The following DRAXIN variants were observed in gnomAD, a reference collection of about 807,000 sequenced individuals.
DRAXIN encodes dorsal repulsive axon guidance protein.
In DRAXIN, 27 loss-of-function variants were observed where a neutral mutation model predicts 33.9. The observed-to-expected ratio is 0.80, with a 90% CI of 0.59 to 1.10. DRAXIN has a LOEUF of 1.10. Among genes scored for constraint, DRAXIN ranks in the 50% least tolerant of loss-of-function variants. The pLI, the probability that DRAXIN is intolerant of heterozygous loss-of-function variation, is 0.00. For synonymous variants in DRAXIN, 178 were observed against 194.0 expected, an observed-to-expected ratio of 0.92 and a Z score of 0.69; for missense variants, 371 against 460.8, an observed-to-expected ratio of 0.81 and a Z score of 1.78.
intron 1 of DRAXIN, among the ~76,000 whole-genome samples, chr1:11,701,263 TC>T (rs975490387): frequency 2.4e-4 from 37 of 152,198 alleles, no homozygotes; most frequent in African/African-American, 8.7e-4. Flanking sequence ...AAGAACCATG[TC>T]CTGTGTGCAC....
At chr1:11,710,046 G>A (rs1448154275) in intron 3 of DRAXIN, among the ~76,000 whole-genome samples, 7 of 152,080 alleles carry the variant, frequency 4.6e-5, no homozygotes, top group African/African-American at 1.4e-4. Flanking sequence ...TTAGCTGAGT[G>A]TGGTGGCGCA....
At chr1:11,710,077 C>T (rs966310975) in intron 3 of DRAXIN, among the ~76,000 whole-genome samples, 6 of 151,486 alleles carry the variant, frequency 4.0e-5, no homozygotes, top group East Asian at 1.9e-4. Flanking sequence ...CCCAGCTACT[C>T]GGGAGGCTGA....
In DRAXIN at chr1:11,706,312, G is replaced by A. The variant is rs553874892; in HGVS notation, c.54G>A (p.Leu18=). Residue 18 remains leucine, a synonymous_variant, in exon 2 of 7, where the codon CTG becomes CTA. Transcript: ENST00000294485. This position sits in a 1 kb window ranked among gnomAD's most constrained non-coding sequence, Gnocchi z 5.5. The part of the protein sequence containing the change: ...TAPMLFLVLL[L]PLELSLAGAL... ...CCATGCTGTTCCTCGTCCTCCTGCT[G>A]CCCCTGGAGCTGAGCCTGGCAGGCG... 1.2e-6 allele frequency: 2 copies of A among 1,613,368 alleles called. No individual in the cohort carries two copies. Among genetic ancestry groups the A allele is most frequent in the Non-Finnish European group, 1.7e-6 (2 of 1,179,842 alleles).
At chr1:11,717,495 C>G (rs1363793480) in intron 6 of DRAXIN, among the ~76,000 whole-genome samples, 1 of 151,284 alleles carries the variant, frequency 6.6e-6, no homozygotes, top group Non-Finnish European at 1.5e-5. Flanking sequence ...AATCCCATCT[C>G]TACTAAAAAT....
intron 1 of DRAXIN, among the ~76,000 whole-genome samples, chr1:11,701,157 C>T (rs569898622): frequency 2.5e-4 from 38 of 152,190 alleles, no homozygotes; most frequent in Admixed American, 2.3e-3. Context: ...GCTGGTGGCT[C>T]CTGGGCCCTG....
Position 11,696,746 on chromosome 1 carries a change from G to T in DRAXIN, c.-11+4893G>T, listed in dbSNP as rs151139817. ...TGTGCACCTGTAGTCCCAGCTACTC[G>T]GGAGGCTGAGGCAGAAGAATTGCTT... is the stretch of plus-strand genomic sequence containing the variant. On this transcript the variant is annotated intron_variant, in intron 1 of 6. Coordinates refer to ENST00000294485, the MANE Select transcript of DRAXIN (RefSeq NM_198545.4). This position sits in a 1 kb window ranked among gnomAD's most constrained non-coding sequence, Gnocchi z 4.7. Among the ~76,000 whole-genome samples, 4 of 152,192 alleles carry T rather than the reference G, an allele frequency of 2.6e-5. No individual in the cohort carries two copies. The highest frequency in any genetic ancestry group is 5.9e-5 in the Non-Finnish European group (4 of 68,000).
At chr1:11,687,798 T>TA (rs1346852964), upstream of DRAXIN, among the ~76,000 whole-genome samples, 7 of 152,234 alleles carry the variant, frequency 4.6e-5, no homozygotes, top group African/African-American at 1.7e-4. This position sits in a 1 kb window ranked among gnomAD's most constrained non-coding sequence, Gnocchi z 4.1. Flanking sequence ...CACATATTGA[T>TA]ACTTCATTCC....
intron 2 of DRAXIN, among the ~76,000 whole-genome samples, chr1:11,707,346 C>T (rs903081800): frequency 1.3e-5 from 2 of 152,210 alleles, no homozygotes; most frequent in East Asian, 1.9e-4. Flanking sequence ...ATTTCTTACT[C>T]GACTCTGACG....
intron 6 of DRAXIN, among the ~76,000 whole-genome samples, chr1:11,718,980 A>G (rs1277567009): frequency 6.6e-6 from 1 of 152,090 alleles, no homozygotes; most frequent in Non-Finnish European, 1.5e-5. Context: ...GGCTCACTGC[A>G]AGCTCCACCT....
rs1641102572 is a variant in DRAXIN at position 11,692,897 on chromosome 1, T to G, written c.-11+1044T>G. On this transcript the variant is annotated intron_variant, in intron 1 of 6. Transcript: ENST00000294485. This position sits in a 1 kb window ranked among gnomAD's most constrained non-coding sequence, Gnocchi z 5.8. Reference sequence around the variant, plus strand: ...TAGTCCCTACCTATAGGGATGTGTGTGGAAATTGTGGGGTGCCGCTTGGTG... The same window carrying G: ...TAGTCCCTACCTATAGGGATGTGTGGGGAAATTGTGGGGTGCCGCTTGGTG... Among the ~76,000 whole-genome samples, 3 of 146,120 alleles carry G rather than the reference T, an allele frequency of 2.1e-5. No homozygotes were observed. The highest frequency in any genetic ancestry group is 7.7e-5 in the African/African-American group (3 of 39,054).
At chr1:11,715,272 C>T (rs539907007) in intron 6 of DRAXIN, 64 bp downstream of exon 6, 88 of 1,598,680 alleles carry the variant, frequency 5.5e-5, no homozygotes, top group Middle Eastern at 1.7e-4. Context: ...CTCCCTTTCT[C>T]GAAGCGGCTT....
rs1557695585 is a variant in DRAXIN, at chr1:11,722,025, G to A, written c.*2329G>A. ...TAATCCCAGCTACTCAGGAGGCTCA[G>A]GCGGGAGAATCACTTGAACCCAGGA... On this transcript the variant is annotated 3_prime_UTR_variant, in exon 7 of 7. Coordinates refer to ENST00000294485, the MANE Select transcript of DRAXIN (RefSeq NM_198545.4). 6.6e-6 allele frequency: 1 copy of A among 152,316 alleles called. No homozygotes were observed. The highest frequency in any genetic ancestry group is 1.5e-5 in the Non-Finnish European group (1 of 68,108). The allele number at this position is 152,316 out of a possible 1,614,324, so 9.4% of individuals were successfully genotyped here.
Position 11,694,469 on chromosome 1 carries a change from A to G in DRAXIN, c.-11+2616A>G, listed in dbSNP as rs1641159587. Among the ~76,000 whole-genome samples, 1 of 152,094 alleles carries G rather than the reference A, an allele frequency of 6.6e-6. No individual in the cohort carries two copies. The highest frequency in any genetic ancestry group is 1.9e-4 in the East Asian group (1 of 5,182). On this transcript the variant is annotated intron_variant, in intron 1 of 6. Coordinates refer to ENST00000294485, the MANE Select transcript of DRAXIN (RefSeq NM_198545.4). This position sits in a 1 kb window ranked among gnomAD's most constrained non-coding sequence, Gnocchi z 4.9. Reference sequence around the variant, plus strand: ...GTGCCTGTTATAGGGGTAGAAACTGAGACCAGAGAACGAAGTGGCTCACCC... The same window carrying G: ...GTGCCTGTTATAGGGGTAGAAACTGGGACCAGAGAACGAAGTGGCTCACCC...
intron 1 of DRAXIN, among the ~76,000 whole-genome samples, chr1:11,700,675 G>A (rs909060419): frequency 2.0e-5 from 3 of 152,184 alleles, no homozygotes; most frequent in African/African-American, 7.2e-5. Context: ...GAGTAGATTC[G>A]GGGTAAGGGA....
In DRAXIN at chr1:11,713,561, G is replaced by A. The variant is rs193171256; in HGVS notation, c.847+1132G>A. Among the ~76,000 whole-genome samples the A allele has an allele frequency of 2.0e-3, 302 of 152,294 alleles. 1 individual carries two copies. The highest frequency in any genetic ancestry group is 2.8e-3 in the Non-Finnish European group (192 of 68,028). On this transcript the variant is annotated intron_variant, in intron 5 of 6. Transcript: ENST00000294485. ...AAACCCTGGGGGCCCTTGGGGGTCCGTCGGACCTTCCAGGAAGCAGATACT... is the reference window on the plus strand; with the variant it reads ...AAACCCTGGGGGCCCTTGGGGGTCCATCGGACCTTCCAGGAAGCAGATACT...
chr1:11,710,787 G>A (rs942107162), intron 3 of DRAXIN, among the ~76,000 whole-genome samples: 4 of 149,426 alleles, frequency 2.7e-5, no homozygotes, highest in Non-Finnish European at 4.4e-5. Flanking sequence ...GCCGGGCATA[G>A]TGGCAGGCAC....
chr1:11,714,922 GC>G (rs5772471), intron 5 of DRAXIN, among the ~76,000 whole-genome samples, 196 bp from the exon 6 acceptor site: 16,622 of 152,286 alleles, frequency 0.11, 1,020 homozygotes, highest in Middle Eastern at 0.16. Flanking sequence ...TGGGGTCTCT[GC>G]CACCGACCCT....
intron 1 of DRAXIN, among the ~76,000 whole-genome samples, chr1:11,693,652 C>A (rs564858623): frequency 7.9e-5 from 12 of 152,310 alleles, no homozygotes; most frequent in African/African-American, 2.4e-4. Context: ...CCCATCCAGG[C>A]TCCTGCTCGA....
chr1:11,702,747 C>CTTT (rs33972819), intron 1 of DRAXIN, among the ~76,000 whole-genome samples: 130 of 145,508 alleles, frequency 8.9e-4, no homozygotes, highest in Admixed American at 1.1e-3. Context: ...GGTATGAATT[C>CTTT]TTTTTTTTTT....
Sources: gnomAD v4.1 joint callset for allele counts (sites outside exome capture counted in the v4.1 genomes callset) on GRCh38, gnomAD v4.1.1 for gene constraint, Gnocchi (gnomAD v3.1) non-coding constraint, MANE v1.5 for transcripts, NCBI Gene and HGNC (gene_info 2026-07-23, HGNC 2026-07-21) for gene names.